Variants in SF3A3 observed in about 807,000 individuals in gnomAD.
SF3A3 encodes SAP 61.
Under a neutral mutation model 85.8 loss-of-function variants are expected in SF3A3, and 9 were observed. The observed-to-expected ratio is 0.10, with a 90% CI of 0.06 to 0.18. SF3A3 has a LOEUF of 0.18. SF3A3 is among the 10% of genes least tolerant of loss of function. SF3A3 has a pLI of 1.00. For synonymous variants in SF3A3, 195 were observed against 204.4 expected, an observed-to-expected ratio of 0.95 and a Z score of 0.39; for missense variants, 306 against 593.3, an observed-to-expected ratio of 0.52 and a Z score of 5.03.
rs1646465477 is a variant in SF3A3 at position 37,987,570 on chromosome 1, T to A, written c.303+3A>T. On this transcript the variant is annotated splice_donor_region_variant and intron_variant, in intron 4 of 16. Transcript: ENST00000373019. ...TGGAGAAAATACTTTTCTGAGGACA[T>A]ACCTCATTTGGGTGCTTCCGGTGGA... The A allele has an allele frequency of 6.2e-7, 1 of 1,601,458 alleles. No individual in the cohort carries two copies. Among genetic ancestry groups the A allele is most frequent in the South Asian group, 1.1e-5 (1 of 90,886 alleles).
chr1:37,969,885 G>A, intron 12 of SF3A3, 150 bp from the exon 13 acceptor site: 3 of 789,802 alleles, frequency 3.8e-6, no homozygotes, highest in Non-Finnish European at 5.9e-6. Flanking sequence ...CTTCATATCA[G>A]AACTCCTTAT....
intron 9 of SF3A3, 116 bp downstream of exon 9, chr1:37,979,349 G>T: frequency 1.3e-6 from 1 of 798,710 alleles, no homozygotes; most frequent in Non-Finnish European, 2.0e-6. Flanking sequence ...GTAGATGCTT[G>T]ATCTCAAGAA....
At position 37,967,794 on chromosome 1, in the gene SF3A3, A is replaced by G. The variant is rs562231018; in HGVS notation, c.1372+250T>C. On this transcript the variant is annotated intron_variant, in intron 15 of 16. Coordinates refer to ENST00000373019, the MANE Select transcript of SF3A3 (RefSeq NM_006802.4). ...AGAATCGCTTGCGCCCGGGAGGCAG[A>G]GGTTGCAGTGGGCCAAGACTGCACC... Among the ~76,000 whole-genome samples the G allele has an allele frequency of 2.0e-4, 31 of 151,274 alleles. 1 individual carries two copies. The South Asian group carries it at 5.9e-3, about 29-fold the overall frequency.
intron 14 of SF3A3, 141 bp downstream of exon 14, chr1:37,969,213 G>C (rs190175911): frequency 7.8e-6 from 5 of 640,904 alleles, no homozygotes; most frequent in Non-Finnish European, 1.4e-5. Flanking sequence ...CAAATGCCAT[G>C]GGCTTGATTT....
intron 15 of SF3A3, among the ~76,000 whole-genome samples, chr1:37,961,773 A>AAAAG (rs1553164716): frequency 2.1e-5 from 3 of 144,504 alleles, no homozygotes; most frequent in Non-Finnish European, 3.0e-5. Context: ...AAAAAAAAAA[A>AAAAG]AAAAAAAAAA....
In SF3A3 at chr1:37,962,285, CAAAAAAAAAAAAAAAAAAAAAA is replaced by C. The variant is rs10559284; in HGVS notation, c.1373-2132_1373-2111del. Reference sequence around the variant, plus strand: ...AGCCTGGGTGACAGAGCGAGACTGTCAAAAAAAAAAAAAAAAAAAAAAAAAAAAAAAAAAAAGGCTGGGCGCG... The same window carrying C: ...AGCCTGGGTGACAGAGCGAGACTGTCAAAAAAAAAAAAAAGGCTGGGCGCG... On this transcript the variant is annotated intron_variant, in intron 15 of 16. Coordinates refer to ENST00000373019, the MANE Select transcript of SF3A3 (RefSeq NM_006802.4). 3.4e-4 allele frequency among the ~76,000 whole-genome samples: 9 copies of C among 26,540 alleles called. No individual in the cohort carries two copies. In the East Asian group the frequency reaches 0.012, roughly 36 times the overall value. 17.4% of individuals were successfully genotyped at this position (26,540 alleles called of 152,430 possible). A position where few individuals can be genotyped will look rare whatever the true frequency, so the allele number is the denominator to read the frequency against.
intron 4 of SF3A3, among the ~76,000 whole-genome samples, chr1:37,987,186 C>A (rs1646463360): frequency 6.6e-6 from 1 of 152,166 alleles, no homozygotes; most frequent in East Asian, 1.9e-4. Flanking sequence ...TCAAGTGATT[C>A]TCTTGCCTCA....
intron 16 of SF3A3, among the ~76,000 whole-genome samples, chr1:37,959,890 G>C (rs141181040): frequency 6.6e-6 from 1 of 151,086 alleles, no homozygotes. Context: ...CCCAGGAGGC[G>C]GAAGTTGCAG....
rs1646481180 is a variant in SF3A3, at chr1:37,989,644, T to C, written c.97-49A>G. On this transcript the variant is annotated intron_variant, in intron 1 of 16. Coordinates refer to ENST00000373019, the MANE Select transcript of SF3A3 (RefSeq NM_006802.4). ...AACGCCGTTAGTTTGCGTTCTGGAGTAGAAAAGGCCGCCCGAGGGCGGAGC... is the reference window on the plus strand; with the variant it reads ...AACGCCGTTAGTTTGCGTTCTGGAGCAGAAAAGGCCGCCCGAGGGCGGAGC... The C allele has an allele frequency of 9.4e-6, 15 of 1,601,898 alleles. No homozygotes were observed. The East Asian group carries it at 3.1e-4, about 34-fold the overall frequency.
rs2148717498 is a variant in SF3A3 at position 37,967,979 on chromosome 1, AT to A, written c.1372+64del. 4.4e-6 allele frequency: 4 copies of A among 918,486 alleles called. No homozygotes were observed. The South Asian group carries it at 5.2e-5, about 12-fold the overall frequency. 56.9% of individuals were successfully genotyped at this position (918,486 alleles called of 1,614,324 possible). ...AACCCTGGATACACAGGGTATTAGG[AT>A]GCTGAATTGAAGGAGTAGAGCCATT... is the stretch of plus-strand genomic sequence containing the variant. On this transcript the variant is annotated intron_variant, in intron 15 of 16. Transcript: ENST00000373019.
At chr1:37,982,665 C>T (rs1646427793) in intron 6 of SF3A3, among the ~76,000 whole-genome samples, 1 of 152,078 alleles carries the variant, frequency 6.6e-6, no homozygotes, top group South Asian at 2.1e-4. Context: ...AGCCACCGCG[C>T]CCGGCCTGTG....
Position 37,990,016 on chromosome 1 carries a change from AACT to A in SF3A3, c.-54_-52del. The A allele has an allele frequency of 2.2e-6, 3 of 1,383,486 alleles. No individual in the cohort carries two copies. Among genetic ancestry groups the A allele is most frequent in the Non-Finnish European group, 3.1e-6 (3 of 980,512 alleles). The allele number at this position is 1,383,486 out of a possible 1,614,324, so 85.7% of individuals were successfully genotyped here. A position where few individuals can be genotyped will look rare whatever the true frequency, so the allele number is the denominator to read the frequency against. The stretch of plus-strand genomic sequence containing the variant: ...TCAGACCACCAACACGGCCGGAAGC[AACT>A]CCTGCCGCCCAGCGCGCCTGAGTCC... On this transcript the variant is annotated 5_prime_UTR_variant, in exon 1 of 17. Coordinates refer to ENST00000373019, the MANE Select transcript of SF3A3 (RefSeq NM_006802.4).
intron 2 of SF3A3, among the ~76,000 whole-genome samples, chr1:37,988,895 ATTT>A (rs1200614023): frequency 6.8e-6 from 1 of 147,266 alleles, no homozygotes; most frequent in Non-Finnish European, 1.5e-5. Context: ...ATATATATAT[ATTT>A]TTTTTTTCAT....
intron 4 of SF3A3, among the ~76,000 whole-genome samples, chr1:37,985,438 T>C (rs1484608453): frequency 2.0e-5 from 3 of 147,302 alleles, no homozygotes; most frequent in South Asian, 4.5e-4. Context: ...CTGATGCACC[T>C]GATACCAATT....
intron 12 of SF3A3, among the ~76,000 whole-genome samples, chr1:37,971,707 C>A (rs914070521): frequency 1.3e-4 from 20 of 152,278 alleles, no homozygotes; most frequent in African/African-American, 4.6e-4. Flanking sequence ...TCAACATACG[C>A]AAATCAATAA....
At chr1:37,975,734 T>C (rs1441040422) in intron 12 of SF3A3, among the ~76,000 whole-genome samples, 2 of 152,146 alleles carry the variant, frequency 1.3e-5, no homozygotes, top group Non-Finnish European at 2.9e-5. Flanking sequence ...ACAGCTATTA[T>C]ACGAATGGTC....
chr1:37,983,666 T>C (rs1646436455), intron 6 of SF3A3, among the ~76,000 whole-genome samples: 2 of 147,398 alleles, frequency 1.4e-5, no homozygotes, highest in African/African-American at 5.1e-5. Flanking sequence ...CTGGGTACAA[T>C]GGCTCATGCC....
At chr1:37,986,531 G>A (rs1046488482) in intron 4 of SF3A3, among the ~76,000 whole-genome samples, 1 of 152,104 alleles carries the variant, frequency 6.6e-6, no homozygotes, top group African/African-American at 2.4e-5. Flanking sequence ...GCATATGAGG[G>A]CCGGGCGCGG....
In SF3A3 at chr1:37,988,085, G is replaced by A. The variant is rs571565788; in HGVS notation, c.145-249C>T. ...AGGTCGATTGGAAGATTACCTAAAT[G>A]ATACATTTAAGGGGTGGCTCCTATC... On this transcript the variant is annotated intron_variant, in intron 2 of 16. Transcript: ENST00000373019. Among the ~76,000 whole-genome samples the A allele has an allele frequency of 6.6e-5, 10 of 152,284 alleles. No homozygotes were observed. In the South Asian group the frequency reaches 2.1e-3, roughly 32 times the overall value.
Sources: gnomAD v4.1 joint callset for allele counts (sites outside exome capture counted in the v4.1 genomes callset) on GRCh38, gnomAD v4.1.1 for gene constraint, MANE v1.5 for transcripts, NCBI Gene and HGNC (gene_info 2026-07-23, HGNC 2026-07-21) for gene names.